SBF2: variants seen among roughly 807,000 people sequenced by gnomAD.
SBF2 encodes the protein SET binding factor 2.
A neutral mutation model predicts 225.2 loss-of-function variants in SBF2; 112 were observed. The ratio of observed to expected loss-of-function variants is 0.50; its 90% CI spans 0.43 to 0.58. The LOEUF (loss-of-function observed/expected upper bound fraction) is 0.58, where lower values mean the gene tolerates loss of function less well. SBF2 is among the 20% of genes least tolerant of loss of function. The probability of loss-of-function intolerance (pLI) is 0.00; values close to 1 mark genes in which losing one functional copy is unlikely to be tolerated. For synonymous variants in SBF2, 763 were observed against 773.3 expected (o/e 0.99, Z 0.22); for missense variants, 1,996 against 2,206.2 (o/e 0.90, Z 1.91).
chr11:10,037,629 CTT>C (rs996633665), intron 3 of SBF2, among the ~76,000 whole-genome samples: 3 of 142,494 alleles, frequency 2.1e-5, no homozygotes, highest in African/African-American at 7.6e-5. Context: ...TGTACAGCAA[CTT>C]TTGTTAAAAA....
chr11:9,983,922 G>A (rs1018498154), intron 13 of SBF2, among the ~76,000 whole-genome samples: 1 of 152,150 alleles, frequency 6.6e-6, no homozygotes, highest in Non-Finnish European at 1.5e-5. Flanking sequence ...AAAATAATCT[G>A]AACAACAGCC....
At chr11:10,104,467 A>G (rs1952464610) in intron 2 of SBF2, among the ~76,000 whole-genome samples, 1 of 152,216 alleles carries the variant, frequency 6.6e-6, no homozygotes, top group Admixed American at 6.5e-5. Context: ...CAGATCCCCA[A>G]TATTTGGAGA....
chr11:9,940,438 T>C (rs995561361), intron 16 of SBF2, among the ~76,000 whole-genome samples: 2 of 152,054 alleles, frequency 1.3e-5, no homozygotes, highest in Non-Finnish European at 2.9e-5. Flanking sequence ...CATACTATGC[T>C]AAAAGATAGA....
In SBF2 at chr11:10,258,081, T is replaced by TACACACACACACACACACAC. The variant is rs57653852; in HGVS notation, c.55+35914_55+35933dup. On this transcript the variant is annotated intron_variant, in intron 1 of 39. Transcript: ENST00000256190. The stretch of plus-strand genomic sequence containing the variant: ...TCTAAGAGGTATAAATACACACACA[T>TACACACACACACACACACAC]ACACACACACACACACACACACACA... Among the ~76,000 whole-genome samples, 139 of 138,952 alleles carry TACACACACACACACACACAC rather than the reference T, an allele frequency of 1.0e-3. 1 individual carries two copies. Among genetic ancestry groups the TACACACACACACACACACAC allele is most frequent in the Middle Eastern group, 7.4e-3 (2 of 272 alleles). 91.2% of individuals were successfully genotyped at this position (138,952 alleles called of 152,430 possible). A position where few individuals can be genotyped will look rare whatever the true frequency, so the allele number is the denominator to read the frequency against.
At chr11:9,837,222 G>A (rs1326666912) in intron 26 of SBF2, among the ~76,000 whole-genome samples, 1 of 152,102 alleles carries the variant, frequency 6.6e-6, no homozygotes, top group Non-Finnish European at 1.5e-5. Context: ...TCCTGTGTAG[G>A]ATTTTTAAGA....
chr11:9,992,831 C>G (rs1947496972), intron 11 of SBF2, among the ~76,000 whole-genome samples, 159 bp downstream of exon 11: 1 of 151,562 alleles, frequency 6.6e-6, no homozygotes, highest in Admixed American at 6.6e-5. Flanking sequence ...TTATGAGTTC[C>G]ATATTATTAT....
intron 1 of SBF2, among the ~76,000 whole-genome samples, chr11:10,264,596 T>G (rs1197304351): frequency 6.6e-6 from 1 of 152,190 alleles, no homozygotes; most frequent in African/African-American, 2.4e-5. Flanking sequence ...TTTAAAATTT[T>G]TATTATACTT....
At chr11:10,223,399 T>TAA (rs1555082901) in intron 1 of SBF2, among the ~76,000 whole-genome samples, 1 of 59,278 alleles carries the variant, frequency 1.7e-5, no homozygotes, top group Non-Finnish European at 3.4e-5. Context: ...ATTTTGCACA[T>TAA]TATATATATA....
intron 16 of SBF2, among the ~76,000 whole-genome samples, chr11:9,939,600 CCTTTT>C (rs1865127553): frequency 6.6e-6 from 1 of 152,142 alleles, no homozygotes; most frequent in African/African-American, 2.4e-5. Flanking sequence ...ACTTTTACCA[CCTTTT>C]TTGCCCATAT....
At chr11:9,907,298 C>G (rs966050172) in intron 16 of SBF2, among the ~76,000 whole-genome samples, 3 of 152,178 alleles carry the variant, frequency 2.0e-5, no homozygotes, top group Admixed American at 2.0e-4. Context: ...CCATATGGGC[C>G]CCTGCCACAA....
chr11:10,037,432 C>T (rs561340240), intron 3 of SBF2, among the ~76,000 whole-genome samples: 1 of 152,142 alleles, frequency 6.6e-6, no homozygotes, highest in African/African-American at 2.4e-5. Context: ...TATCAGCAAG[C>T]CCAATTCCCA....
chr11:10,024,198 C>T (rs1300500854), intron 6 of SBF2, among the ~76,000 whole-genome samples: 1 of 152,080 alleles, frequency 6.6e-6, no homozygotes, highest in Non-Finnish European at 1.5e-5. Flanking sequence ...ATGAACATAC[C>T]ACAGATGCTT....
intron 16 of SBF2, 70 bp downstream of exon 16, chr11:9,961,887 T>G: frequency 6.8e-7 from 1 of 1,466,678 alleles, no homozygotes; most frequent in East Asian, 2.3e-5. Flanking sequence ...TATTGGTAAT[T>G]ACAAAATATT....
At chr11:10,205,647 G>A (rs924085562) in intron 1 of SBF2, among the ~76,000 whole-genome samples, 1 of 152,022 alleles carries the variant, frequency 6.6e-6, no homozygotes, top group Non-Finnish European at 1.5e-5. Context: ...AGAACCATGA[G>A]CAGGGGATAG....
At chr11:9,904,406 C>T (rs945208649) in intron 16 of SBF2, among the ~76,000 whole-genome samples, 3 of 152,030 alleles carry the variant, frequency 2.0e-5, no homozygotes, top group Admixed American at 2.0e-4. Context: ...AAAGCTATAA[C>T]AATTTAAATG....
chr11:10,075,851 A>C (rs1428594421), intron 2 of SBF2, among the ~76,000 whole-genome samples: 1 of 152,036 alleles, frequency 6.6e-6, no homozygotes, highest in African/African-American at 2.4e-5. Flanking sequence ...CTCTAGCCTG[A>C]GACATAAAGG....
intron 2 of SBF2, among the ~76,000 whole-genome samples, chr11:10,070,729 G>C (rs767978404): frequency 6.6e-6 from 1 of 152,172 alleles, no homozygotes; most frequent in African/African-American, 2.4e-5. Flanking sequence ...GGATGGAATT[G>C]AATCTATAGA....
chr11:10,170,438 G>A (rs965166163), intron 2 of SBF2, among the ~76,000 whole-genome samples: 1 of 151,998 alleles, frequency 6.6e-6, no homozygotes, highest in South Asian at 2.1e-4. Flanking sequence ...GTTCCCTGTA[G>A]ATATACAGAT....
intron 28 of SBF2, among the ~76,000 whole-genome samples, chr11:9,818,593 A>C (rs1854579547): frequency 6.6e-6 from 1 of 152,182 alleles, no homozygotes; most frequent in Non-Finnish European, 1.5e-5. Context: ...TCCTAGTATT[A>C]AAGTCATGTT....
Sources: gnomAD v4.1 joint callset for allele counts (sites outside exome capture counted in the v4.1 genomes callset) on GRCh38, gnomAD v4.1.1 for gene constraint, MANE v1.5 for transcripts, NCBI Gene and HGNC (gene_info 2026-07-23, HGNC 2026-07-21) for gene names.